UNC13C: variants seen among roughly 807,000 people sequenced by gnomAD.
The protein encoded by UNC13C is unc-13 homolog C.
In UNC13C, 174 loss-of-function variants were observed where a neutral mutation model predicts 245.4. The ratio of observed to expected loss-of-function variants is 0.71; its 90% CI spans 0.63 to 0.80. UNC13C has a LOEUF of 0.80. Ranked by LOEUF, UNC13C falls within the 30% of genes least tolerant of loss-of-function variation. The pLI, the probability that UNC13C is intolerant of heterozygous loss-of-function variation, is 0.00. For missense variants in UNC13C, 2,829 were observed against 2,602.9 expected, an observed-to-expected ratio of 1.09 and a Z score of -1.89; for synonymous variants, 992 against 895.1, an observed-to-expected ratio of 1.11 and a Z score of -1.93.
At chr15:54,204,087 C>G (rs879734018) in intron 4 of UNC13C, among the ~76,000 whole-genome samples, 6 of 151,690 alleles carry the variant, frequency 4.0e-5, no homozygotes, top group Non-Finnish European at 7.4e-5. Flanking sequence ...TATGTGGGAG[C>G]TAACCTATGA....
At chr15:54,143,522 T>C in intron 3 of UNC13C, 98 bp from the exon 4 acceptor site, 1 of 848,784 alleles carries the variant, frequency 1.2e-6, no homozygotes. Context: ...AGGTGTTACG[T>C]GTGTAGTGCA....
chr15:54,480,124 A>C (rs1175045013), intron 19 of UNC13C, among the ~76,000 whole-genome samples: 1 of 152,052 alleles, frequency 6.6e-6, no homozygotes, highest in African/African-American at 2.4e-5. Context: ...GACTTTTGGC[A>C]GTTTGATGAT....
At chr15:53,879,943 G>C in the UNC13C span, among the ~76,000 whole-genome samples, 4 of 139,284 alleles carry the variant, frequency 2.9e-5, no homozygotes, top group Non-Finnish European at 6.2e-5. Context: ...ATCATGCTGC[G>C]TGTGTGTGTT....
chr15:54,553,434 T>C (rs181115625), intron 28 of UNC13C, among the ~76,000 whole-genome samples: 1,512 of 134,200 alleles, frequency 0.011, 28 homozygotes, highest in African/African-American at 0.038. Context: ...ATATATAATA[T>C]ATAATATAAT....
At chr15:54,330,249 A>C (rs1221983584) in intron 14 of UNC13C, among the ~76,000 whole-genome samples, 1 of 152,122 alleles carries the variant, frequency 6.6e-6, no homozygotes, top group African/African-American at 2.4e-5. Flanking sequence ...CACTCTTTTT[A>C]AATCTTTCAA....
chr15:54,614,608 G>A (rs1489631100), intron 30 of UNC13C, among the ~76,000 whole-genome samples: 1 of 151,890 alleles, frequency 6.6e-6, no homozygotes, highest in Non-Finnish European at 1.5e-5. Context: ...ATTTACACAT[G>A]AGGAAAAACT....
At chr15:53,907,685 A>T in the UNC13C span, among the ~76,000 whole-genome samples, 28 of 152,212 alleles carry the variant, frequency 1.8e-4, no homozygotes, top group African/African-American at 6.5e-4. Context: ...CATATAACTT[A>T]TGAACTTTAT....
At chr15:54,249,141 G>A (rs74013547) in intron 7 of UNC13C, among the ~76,000 whole-genome samples, 3,857 of 152,178 alleles carry the variant, frequency 0.025, 160 homozygotes, top group African/African-American at 0.088. Flanking sequence ...CTCTCAGGAA[G>A]TCACCTGCTT....
chr15:54,421,052 G>T (rs374649070), intron 19 of UNC13C, among the ~76,000 whole-genome samples: 1 of 151,904 alleles, frequency 6.6e-6, no homozygotes, highest in African/African-American at 2.4e-5. Flanking sequence ...GCACTTGCTA[G>T]GTACTGGTTT....
At chr15:54,183,780 G>C (rs923417917) in intron 4 of UNC13C, among the ~76,000 whole-genome samples, 1 of 150,338 alleles carries the variant, frequency 6.7e-6, no homozygotes, top group African/African-American at 2.5e-5. Flanking sequence ...AAAAACATGG[G>C]ACCAGTCATT....
the UNC13C span, among the ~76,000 whole-genome samples, chr15:53,860,118 AT>A: frequency 1.3e-5 from 2 of 152,202 alleles, no homozygotes; most frequent in African/African-American, 4.8e-5. Flanking sequence ...TGACAATGAC[AT>A]TTAAAGTAAG....
chr15:54,382,841 G>A (rs933436327), intron 17 of UNC13C, among the ~76,000 whole-genome samples: 7 of 151,868 alleles, frequency 4.6e-5, no homozygotes, highest in Non-Finnish European at 1.0e-4. Flanking sequence ...CAAAACAGAC[G>A]ACCTCAGAAA....
In UNC13C at chr15:54,171,519, T is replaced by C. The variant is rs544847444; in HGVS notation, c.3071+27835T>C. ...ATGAAAAAGTGCTCAATGTCATTGATCACCAGGGAAATGCAAATCAAAACT... is the reference window on the plus strand; with the variant it reads ...ATGAAAAAGTGCTCAATGTCATTGACCACCAGGGAAATGCAAATCAAAACT... On this transcript the variant is annotated intron_variant, in intron 4 of 32. Coordinates refer to ENST00000260323, the MANE Select transcript of UNC13C (RefSeq NM_001080534.3). 3.3e-5 allele frequency among the ~76,000 whole-genome samples: 5 copies of C among 152,238 alleles called. No individual in the cohort carries two copies. The South Asian group carries it at 1.0e-3, about 32-fold the overall frequency.
At chr15:53,846,320 G>T in the UNC13C span, among the ~76,000 whole-genome samples, 1 of 152,120 alleles carries the variant, frequency 6.6e-6, no homozygotes, top group Non-Finnish European at 1.5e-5. Context: ...GAATCTATGC[G>T]ATTGGTAATA....
At chr15:54,530,936 G>T (rs986375765) in intron 25 of UNC13C, among the ~76,000 whole-genome samples, 1 of 152,136 alleles carries the variant, frequency 6.6e-6, no homozygotes, top group Admixed American at 6.6e-5. Context: ...TAGCAAAGGA[G>T]GAACATGATC....
At chr15:54,614,392 CTTTGAATCTT>C (rs907011247) in intron 30 of UNC13C, among the ~76,000 whole-genome samples, 7 of 151,846 alleles carry the variant, frequency 4.6e-5, no homozygotes, top group African/African-American at 1.7e-4. Flanking sequence ...ATTTGAATCT[CTTTGAATCTT>C]TTTGAATCCA....
chr15:54,469,832 C>T (rs1220469084), intron 19 of UNC13C, among the ~76,000 whole-genome samples: 1 of 151,320 alleles, frequency 6.6e-6, no homozygotes, highest in African/African-American at 2.4e-5. Context: ...TTATATTGTT[C>T]CTGAGATCAG....
At chr15:54,571,250 C>T (rs1030416617) in intron 30 of UNC13C, among the ~76,000 whole-genome samples, 9 of 152,198 alleles carry the variant, frequency 5.9e-5, no homozygotes, top group Admixed American at 1.3e-4. Context: ...GGAGGCCTCA[C>T]AATCATGGCA....
the UNC13C span, among the ~76,000 whole-genome samples, chr15:53,928,078 G>A: frequency 1.3e-5 from 2 of 152,030 alleles, no homozygotes; most frequent in African/African-American, 2.4e-5. Context: ...CAGCTCAGTC[G>A]GGGAGACCCT....
Sources: allele counts gnomAD v4.1 joint callset (sites outside exome capture counted in the v4.1 genomes callset), GRCh38; gene constraint gnomAD v4.1.1; transcripts MANE v1.5; gene names NCBI Gene and HGNC (gene_info 2026-07-23, HGNC 2026-07-21).